Variants in SPAG16 observed in about 807,000 individuals in gnomAD.
SPAG16 encodes the protein sperm associated antigen 16.
SPAG16 carries 86 observed loss-of-function variants against 80.4 expected under a neutral mutation model. That is an observed-to-expected ratio of 1.07 (90% CI 0.90 to 1.28). SPAG16 has a LOEUF of 1.28. Among genes scored for constraint, SPAG16 ranks in the 50% most tolerant of loss-of-function variants. SPAG16 has a pLI of 0.00. For missense variants in SPAG16, 870 were observed against 765.3 expected (o/e 1.14, Z -1.61); for synonymous variants, 294 against 265.9 (o/e 1.11, Z -1.03).
intron 10 of SPAG16, among the ~76,000 whole-genome samples, chr2:213,738,539 A>G (rs1254810197): frequency 6.6e-6 from 1 of 152,200 alleles, no homozygotes; most frequent in Admixed American, 6.5e-5. Context: ...AAGTACCACT[A>G]TAAAATTTTA....
intron 11 of SPAG16, among the ~76,000 whole-genome samples, chr2:213,891,049 A>T (rs1488560116): frequency 6.6e-6 from 1 of 152,058 alleles, no homozygotes; most frequent in Non-Finnish European, 1.5e-5. Flanking sequence ...TAATTTAGAA[A>T]TCATTGGTAT....
intron 9 of SPAG16, among the ~76,000 whole-genome samples, chr2:213,488,386 A>T (rs1006472490): frequency 6.6e-6 from 1 of 152,182 alleles, no homozygotes; most frequent in Non-Finnish European, 1.5e-5. Flanking sequence ...TCAAATATTT[A>T]TTCTATTTGA....
At chr2:213,619,369 TAGAC>T (rs1162095687) in intron 10 of SPAG16, among the ~76,000 whole-genome samples, 1 of 152,044 alleles carries the variant, frequency 6.6e-6, no homozygotes, top group Non-Finnish European at 1.5e-5. Flanking sequence ...GCAAGGTGAA[TAGAC>T]AGCCTGTAGA....
chr2:213,946,477 G>A (rs1292786467), intron 12 of SPAG16, among the ~76,000 whole-genome samples: 1 of 152,120 alleles, frequency 6.6e-6, no homozygotes, highest in Admixed American at 6.5e-5. Flanking sequence ...TCTCTGCTCT[G>A]TATATTTTAG....
intron 14 of SPAG16, among the ~76,000 whole-genome samples, chr2:214,108,479 A>ACACACACCC (rs71409874): frequency 3.8e-5 from 2 of 52,374 alleles, no homozygotes; most frequent in Admixed American, 3.0e-4. Context: ...ACACACACAC[A>ACACACACCC]CCCCCACACA....
At chr2:214,272,223 T>C (rs78565581) in intron 15 of SPAG16, among the ~76,000 whole-genome samples, 8,861 of 152,194 alleles carry the variant, frequency 0.058, 892 homozygotes, top group African/African-American at 0.2. Context: ...TATTTTATTA[T>C]ATTTTGCTAT....
At chr2:213,803,062 A>T (rs1194258735) in intron 10 of SPAG16, among the ~76,000 whole-genome samples, 1 of 152,136 alleles carries the variant, frequency 6.6e-6, no homozygotes, top group Non-Finnish European at 1.5e-5. Context: ...TATGAAGTAG[A>T]TATATCTTTA....
chr2:214,206,593 C>T (rs981329835), intron 15 of SPAG16, among the ~76,000 whole-genome samples: 1 of 152,058 alleles, frequency 6.6e-6, no homozygotes, highest in Non-Finnish European at 1.5e-5. Context: ...GGAGTACAGT[C>T]GTCTCTTCAA....
In SPAG16 at chr2:213,340,265, C is replaced by T; in HGVS notation, c.639C>T (p.Leu213=). The T allele has an allele frequency of 1.3e-6, 2 of 1,587,396 alleles. No individual in the cohort carries two copies. Among genetic ancestry groups the T allele is most frequent in the Non-Finnish European group, 1.7e-6 (2 of 1,157,756 alleles). Residue 213 remains leucine (L), a synonymous_variant, in exon 6 of 16, where the codon CTC becomes CTT. Coordinates refer to ENST00000331683, the MANE Select transcript of SPAG16 (RefSeq NM_024532.5). ...AAAAAAACAAATTAATTAATGACCT[C>T]AAAGGGTAAGCTTATACTTGTTGGC... ...VQEKNKLIND[L]KGLKLHYASY... is the part of the protein sequence containing the mutation.
chr2:214,188,682 TA>T (rs1432110907), intron 15 of SPAG16, among the ~76,000 whole-genome samples: 1 of 152,168 alleles, frequency 6.6e-6, no homozygotes, highest in Non-Finnish European at 1.5e-5. Flanking sequence ...TTCCTATCCT[TA>T]TATTTACCTG....
chr2:214,203,924 G>T (rs983337618), intron 15 of SPAG16, among the ~76,000 whole-genome samples: 1 of 152,292 alleles, frequency 6.6e-6, no homozygotes, highest in South Asian at 2.1e-4. Context: ...CGGGAGGCTG[G>T]TTGTTGGAGC....
chr2:214,166,006 A>C (rs186187604), intron 15 of SPAG16, among the ~76,000 whole-genome samples: 102 of 152,344 alleles, frequency 6.7e-4, no homozygotes, highest in African/African-American at 2.4e-3. Context: ...AGATTATCTG[A>C]AAATAAATTA....
At chr2:213,326,328 A>G (rs772039373) in intron 5 of SPAG16, among the ~76,000 whole-genome samples, 2 of 152,032 alleles carry the variant, frequency 1.3e-5, no homozygotes, top group Non-Finnish European at 2.9e-5. Context: ...TACTTCTATA[A>G]AAGGTCAAAG....
chr2:213,439,912 T>C (rs1219707208), intron 9 of SPAG16, among the ~76,000 whole-genome samples: 4 of 152,198 alleles, frequency 2.6e-5, no homozygotes, highest in African/African-American at 9.6e-5. Context: ...AAAAACTCTA[T>C]GATAATTTAT....
At chr2:214,197,541 T>C (rs1000391159) in intron 15 of SPAG16, among the ~76,000 whole-genome samples, 3 of 151,960 alleles carry the variant, frequency 2.0e-5, no homozygotes, top group Admixed American at 6.6e-5. Context: ...TAAATCTCCA[T>C]AGTGAAAATT....
At chr2:213,659,936 C>A (rs2063355079) in intron 10 of SPAG16, among the ~76,000 whole-genome samples, 1 of 151,924 alleles carries the variant, frequency 6.6e-6, no homozygotes, top group Admixed American at 6.6e-5. Flanking sequence ...TCATTTTCAA[C>A]AAACCCACTC....
intron 12 of SPAG16, among the ~76,000 whole-genome samples, chr2:214,007,006 C>T (rs1380102794): frequency 6.6e-6 from 1 of 151,962 alleles, no homozygotes; most frequent in African/African-American, 2.4e-5. Flanking sequence ...GTAATAATGA[C>T]AACAAAGTCT....
intron 10 of SPAG16, among the ~76,000 whole-genome samples, chr2:213,677,933 G>A (rs1472261512): frequency 2.0e-5 from 3 of 151,946 alleles, no homozygotes; most frequent in Non-Finnish European, 4.4e-5. Context: ...AGACCACAGT[G>A]CAATCAAACT....
At chr2:213,899,917 A>G (rs2077149427) in intron 11 of SPAG16, among the ~76,000 whole-genome samples, 1 of 152,178 alleles carries the variant, frequency 6.6e-6, no homozygotes. Flanking sequence ...AAGTTTGTGA[A>G]AAACAATTCT....
Sources: gnomAD v4.1 joint callset for allele counts (sites outside exome capture counted in the v4.1 genomes callset) on GRCh38, gnomAD v4.1.1 for gene constraint, MANE v1.5 for transcripts, NCBI Gene and HGNC (gene_info 2026-07-23, HGNC 2026-07-21) for gene names.